The following ITGA9 variants were observed in gnomAD, a reference collection of about 807,000 sequenced individuals.
ITGA9 encodes the protein integrin subunit alpha 9.
In ITGA9, 56 loss-of-function variants were observed where a neutral mutation model predicts 127.8. The ratio of observed to expected loss-of-function variants is 0.44; its 90% CI spans 0.35 to 0.55. The LOEUF (loss-of-function observed/expected upper bound fraction) is 0.55. Among genes scored for constraint, ITGA9 ranks in the 20% least tolerant of loss-of-function variants. The pLI, the probability that ITGA9 is intolerant of heterozygous loss-of-function variation, is 0.00. For synonymous variants in ITGA9, 508 were observed against 514.5 expected, an observed-to-expected ratio of 0.99 and a Z score of 0.17; for missense variants, 1,196 against 1,347.1, an observed-to-expected ratio of 0.89 and a Z score of 1.76.
At chr3:37,548,000 C>A (rs1330556171) in intron 15 of ITGA9, among the ~76,000 whole-genome samples, 1 of 152,212 alleles carries the variant, frequency 6.6e-6, no homozygotes, top group African/African-American at 2.4e-5. Context: ...TAGTAGTATA[C>A]TGTGTGCACA....
intron 16 of ITGA9, among the ~76,000 whole-genome samples, chr3:37,652,699 G>A (rs1468092001): frequency 1.3e-5 from 2 of 152,152 alleles, no homozygotes; most frequent in African/African-American, 4.8e-5. Flanking sequence ...AAAAACTCAC[G>A]AACATGAGCA....
chr3:37,616,317 G>A (rs1306549800), intron 15 of ITGA9, among the ~76,000 whole-genome samples: 2 of 152,216 alleles, frequency 1.3e-5, no homozygotes, highest in African/African-American at 2.4e-5. Flanking sequence ...TGATTGCACT[G>A]TGGTCTGAGA....
Position 37,629,254 on chromosome 3 carries a change from C to T in ITGA9, c.1757C>T (p.Thr586Ile), listed in dbSNP as rs1488779935. ...EAAYSLSEHV[T>I]GEEERELPPL... is the part of the protein sequence containing the mutation. ...GCCTACAGCCTCAGTGAGCATGTGA[C>T]TGGAGAGGAGGAGAGGGAACTGCCG... The change falls in exon 16 of 28, where the codon ACT (threonine) becomes ATT (isoleucine). Residue 586 changes from threonine (T) to isoleucine (I), a missense_variant. Transcript: ENST00000264741. This position sits in a 1 kb window ranked among gnomAD's most constrained non-coding sequence, Gnocchi z 4.5. 2.5e-6 allele frequency: 4 copies of T among 1,613,820 alleles called. No individual in the cohort carries two copies. The highest frequency in any genetic ancestry group is 3.3e-5 in the Admixed American group (2 of 60,000).
Position 37,481,484 on chromosome 3 carries a change from G to A in ITGA9, c.421G>A (p.Ala141Thr), listed in dbSNP as rs556509571. 108 of 1,614,112 alleles carry A rather than the reference G, an allele frequency of 6.7e-5. 1 individual carries two copies. In the South Asian group the frequency reaches 1.1e-3, roughly 16 times the overall value. ...TCTCAACTGCTCTCTATCCCTTTAGGCCTGTGCTCATCGCTGGAAGAACAT... is the reference window on the plus strand; with the variant it reads ...TCTCAACTGCTCTCTATCCCTTTAGACCTGTGCTCATCGCTGGAAGAACAT... ...RQPKADGRVL[A>T]CAHRWKNIYY... The change falls in exon 4 of 28, where the codon GCC becomes ACC. Residue 141 changes from alanine to threonine, a missense_variant and splice_region_variant. Coordinates refer to ENST00000264741, the MANE Select transcript of ITGA9 (RefSeq NM_002207.3).
At chr3:37,507,315 C>G (rs561979303) in intron 7 of ITGA9, among the ~76,000 whole-genome samples, 4 of 152,328 alleles carry the variant, frequency 2.6e-5, no homozygotes, top group African/African-American at 9.6e-5. Context: ...GGGCTGCGGG[C>G]TACCGGGCAT....
intron 15 of ITGA9, among the ~76,000 whole-genome samples, chr3:37,579,922 T>C (rs1313653573): frequency 6.6e-6 from 1 of 152,216 alleles, no homozygotes; most frequent in Non-Finnish European, 1.5e-5. Context: ...TTAAGCATTT[T>C]TAAAAGGTTA....
intron 23 of ITGA9, among the ~76,000 whole-genome samples, chr3:37,756,323 A>T (rs558939901): frequency 3.2e-4 from 49 of 152,336 alleles, no homozygotes; most frequent in Middle Eastern, 3.4e-3. Flanking sequence ...AACATAAATG[A>T]AATTTTATAT....
chr3:37,490,971 C>CCG (rs764223618), intron 4 of ITGA9, among the ~76,000 whole-genome samples: 2 of 136,392 alleles, frequency 1.5e-5, no homozygotes, highest in African/African-American at 2.8e-5. Context: ...TGGCTTCCCC[C>CCG]CCGCTTTTTT....
intron 10 of ITGA9, 22 bp from the exon 11 acceptor site, chr3:37,519,238 A>G (rs1213878478): frequency 1.9e-6 from 3 of 1,593,890 alleles, no homozygotes; most frequent in South Asian, 1.1e-5. Context: ...TTTTTAACCC[A>G]TAGCTGTTTT....
Position 37,823,456 on chromosome 3 carries a change from T to C in ITGA9, c.*4467T>C, listed in dbSNP as rs565086460. 3 of 152,300 alleles carry C rather than the reference T, an allele frequency of 2.0e-5. No individual in the cohort carries two copies. The highest frequency in any genetic ancestry group is 7.2e-5 in the African/African-American group (3 of 41,564). The allele number at this position is 152,300 out of a possible 1,614,324, so 9.4% of individuals were successfully genotyped here. A position where few individuals can be genotyped will look rare whatever the true frequency, so the allele number is the denominator to read the frequency against. On this transcript the variant is annotated 3_prime_UTR_variant, in exon 28 of 28. Coordinates refer to ENST00000264741, the MANE Select transcript of ITGA9 (RefSeq NM_002207.3). ...TGATTCACTTGCACTGTTTGGGAAA[T>C]GTCAGGTTTACAAAAACATACATGT...
chr3:37,512,083 TC>T, intron 8 of ITGA9, among the ~76,000 whole-genome samples: 1 of 112,350 alleles, frequency 8.9e-6, no homozygotes, highest in East Asian at 2.6e-4. Flanking sequence ...TTTCCTTCCT[TC>T]CTTCCTTCCT....
At chr3:37,812,275 T>G (rs1405777481) in intron 27 of ITGA9, among the ~76,000 whole-genome samples, 1 of 152,174 alleles carries the variant, frequency 6.6e-6, no homozygotes, top group Non-Finnish European at 1.5e-5. Flanking sequence ...GTCAAGTAAC[T>G]GAAGAGAACT....
At chr3:37,586,014 G>A (rs1465748591) in intron 15 of ITGA9, among the ~76,000 whole-genome samples, 2 of 152,298 alleles carry the variant, frequency 1.3e-5, no homozygotes, top group East Asian at 1.9e-4. Context: ...GAGGAGACGT[G>A]CCATGATGAG....
intron 13 of ITGA9, among the ~76,000 whole-genome samples, chr3:37,528,121 A>G (rs1699113087): frequency 6.6e-6 from 1 of 152,224 alleles, no homozygotes; most frequent in Non-Finnish European, 1.5e-5. Flanking sequence ...ATCTGGCTGA[A>G]GGTCCATCAT....
At chr3:37,481,746 A>G (rs1332651207) in intron 4 of ITGA9, 139 bp downstream of exon 4, 2 of 1,217,922 alleles carry the variant, frequency 1.6e-6, no homozygotes, top group Non-Finnish European at 2.4e-6. Context: ...TTGCTCCCAG[A>G]TGGTCTCTTG....
At chr3:37,506,888 T>A (rs978552847) in intron 7 of ITGA9, among the ~76,000 whole-genome samples, 8 of 152,168 alleles carry the variant, frequency 5.3e-5, no homozygotes, top group Non-Finnish European at 4.4e-5. Flanking sequence ...TGGTCATATC[T>A]CCCAGGGCTT....
At chr3:37,595,987 A>G (rs1199109531) in intron 15 of ITGA9, among the ~76,000 whole-genome samples, 2 of 152,238 alleles carry the variant, frequency 1.3e-5, no homozygotes, top group Non-Finnish European at 2.9e-5. Context: ...TTTACTGAGC[A>G]CCCACTGGAG....
intron 1 of ITGA9, among the ~76,000 whole-genome samples, chr3:37,464,935 G>A (rs1698354110): frequency 6.6e-6 from 1 of 152,232 alleles, no homozygotes. Flanking sequence ...GCTGCTTTCT[G>A]CCCAGTAAGG....
Position 37,615,732 on chromosome 3 carries a change from A to G in ITGA9, c.1690-13455A>G, listed in dbSNP as rs1166879392. Among the ~76,000 whole-genome samples, 3 of 152,266 alleles carry G rather than the reference A, an allele frequency of 2.0e-5. No homozygotes were observed. In the South Asian group the frequency reaches 6.2e-4, roughly 32 times the overall value. On this transcript the variant is annotated intron_variant, in intron 15 of 27. Coordinates refer to ENST00000264741, the MANE Select transcript of ITGA9 (RefSeq NM_002207.3). ...GTCGAGGAATGTATCCATTTCTTCT[A>G]GATTTTCTAGTTTATTTGCGTAGAG...
Sources: gnomAD v4.1 joint callset for allele counts (sites outside exome capture counted in the v4.1 genomes callset) on GRCh38, gnomAD v4.1.1 for gene constraint, Gnocchi (gnomAD v3.1) non-coding constraint, MANE v1.5 for transcripts, NCBI Gene and HGNC (gene_info 2026-07-23, HGNC 2026-07-21) for gene names.